SERGEF: variants seen among roughly 807,000 people sequenced by gnomAD.
The protein encoded by SERGEF is secretion-regulating guanine nucleotide exchange factor.
A neutral mutation model predicts 50.0 loss-of-function variants in SERGEF; 51 were observed. That is an observed-to-expected ratio of 1.02 (90% CI 0.81 to 1.29). SERGEF has a LOEUF of 1.29. Ranked by LOEUF, SERGEF falls within the 50% of genes most tolerant of loss-of-function variation. SERGEF has a pLI of 0.00. For missense variants in SERGEF, 521 were observed against 557.0 expected (o/e 0.94, Z 0.65); for synonymous variants, 205 against 212.4 (o/e 0.97, Z 0.30).
At chr11:18,010,992 C>T (rs541459894) in intron 1 of SERGEF, among the ~76,000 whole-genome samples, 4 of 152,226 alleles carry the variant, frequency 2.6e-5, no homozygotes, top group South Asian at 2.1e-4. Flanking sequence ...GTTCAAATTA[C>T]GGTACCAATT....
intron 5 of SERGEF, among the ~76,000 whole-genome samples, chr11:17,999,157 G>T (rs1450341588): frequency 2.6e-5 from 4 of 152,184 alleles, no homozygotes; most frequent in Non-Finnish European, 5.9e-5. Context: ...TCATAGAGAT[G>T]GAGAACAGAA....
intron 9 of SERGEF, among the ~76,000 whole-genome samples, chr11:17,936,155 C>T (rs866231692): frequency 6.6e-6 from 1 of 152,156 alleles, no homozygotes; most frequent in Non-Finnish European, 1.5e-5. Flanking sequence ...AAATGTTAAA[C>T]AGCACCTTAG....
intron 10 of SERGEF, among the ~76,000 whole-genome samples, chr11:17,800,382 G>C (rs996281362): frequency 2.0e-5 from 3 of 152,168 alleles, no homozygotes; most frequent in African/African-American, 7.2e-5. Context: ...ATAATGACAT[G>C]GATCCACCTA....
chr11:17,854,310 GT>G (rs1416532261), intron 10 of SERGEF, among the ~76,000 whole-genome samples: 2 of 152,232 alleles, frequency 1.3e-5, no homozygotes, highest in East Asian at 3.9e-4. Flanking sequence ...AAGTAGTCCT[GT>G]TTGGGTAAGA....
intron 9 of SERGEF, among the ~76,000 whole-genome samples, chr11:17,894,135 C>T (rs1025482216): frequency 7.9e-5 from 12 of 152,110 alleles, no homozygotes; most frequent in Non-Finnish European, 1.8e-4. Flanking sequence ...TAGCCTCTTT[C>T]CCCAGTAAAA....
chr11:18,012,908 C>T (rs1276217879), intron 1 of SERGEF, 43 bp downstream of exon 1: 2 of 1,536,054 alleles, frequency 1.3e-6, no homozygotes, highest in African/African-American at 2.8e-5. Flanking sequence ...CACATCTCGG[C>T]GCCCCTCAGG....
At chr11:17,961,769 G>A (rs1052931644) in intron 8 of SERGEF, among the ~76,000 whole-genome samples, 2 of 152,158 alleles carry the variant, frequency 1.3e-5, no homozygotes, top group African/African-American at 2.4e-5. Flanking sequence ...CTGACTTAAC[G>A]TTCAGTCTTT....
chr11:17,914,307 C>G (rs192356623), intron 9 of SERGEF, among the ~76,000 whole-genome samples: 1 of 152,354 alleles, frequency 6.6e-6, no homozygotes, highest in Admixed American at 6.5e-5. Context: ...TTATCAGTAC[C>G]TGAGGAGCTC....
At chr11:17,849,843 A>C (rs1221069985) in intron 10 of SERGEF, among the ~76,000 whole-genome samples, 1 of 152,212 alleles carries the variant, frequency 6.6e-6, no homozygotes, top group Non-Finnish European at 1.5e-5. Flanking sequence ...AGTATGTCTT[A>C]CTCAAAAATC....
chr11:17,798,123 G>T (rs1052962443), intron 10 of SERGEF, among the ~76,000 whole-genome samples: 4 of 152,212 alleles, frequency 2.6e-5, no homozygotes, highest in African/African-American at 9.6e-5. Context: ...CTTGGCTCAA[G>T]TGATAAATAA....
intron 1 of SERGEF, chr11:18,012,747 C>T (rs1854223636): frequency 2.1e-6 from 3 of 1,410,186 alleles, no homozygotes; most frequent in Non-Finnish European, 2.8e-6. Flanking sequence ...CCGGCAGGCC[C>T]CTAAGTCGAC....
chr11:17,877,899 CT>C, intron 10 of SERGEF: 1 of 250,504 alleles, frequency 4.0e-6, no homozygotes. Flanking sequence ...ATCATTCTTC[CT>C]TTTTATGTCT....
At chr11:18,009,549 G>C (rs1032989761) in intron 1 of SERGEF, among the ~76,000 whole-genome samples, 27 of 152,114 alleles carry the variant, frequency 1.8e-4, no homozygotes, top group Non-Finnish European at 3.2e-4. Flanking sequence ...AATCAAAGCT[G>C]GCTAAGGATT....
At chr11:17,797,072 C>G (rs1464283913) in intron 10 of SERGEF, among the ~76,000 whole-genome samples, 1 of 152,212 alleles carries the variant, frequency 6.6e-6, no homozygotes, top group Non-Finnish European at 1.5e-5. Flanking sequence ...GTGCAAAATA[C>G]AGCCAGGATC....
chr11:17,932,740 T>C (rs1281294341), intron 9 of SERGEF, among the ~76,000 whole-genome samples: 1 of 152,118 alleles, frequency 6.6e-6, no homozygotes, highest in Non-Finnish European at 1.5e-5. Context: ...TTGTTTGTCA[T>C]TGCATTGGGG....
intron 9 of SERGEF, among the ~76,000 whole-genome samples, chr11:17,950,327 C>T (rs1852751431): frequency 6.6e-6 from 1 of 152,168 alleles, no homozygotes; most frequent in African/African-American, 2.4e-5. Context: ...GTGTGTTTCT[C>T]CTACCCATTG....
At chr11:17,809,257 G>A (rs1234031325) in intron 10 of SERGEF, among the ~76,000 whole-genome samples, 1 of 152,198 alleles carries the variant, frequency 6.6e-6, no homozygotes, top group Non-Finnish European at 1.5e-5. Context: ...AGTTCCACTT[G>A]GTGGAAGAAG....
Position 18,008,042 on chromosome 11 carries a change from TGGCCGA to T in SERGEF, c.89_94del (p.Leu30_Gly31del). On this transcript the variant is annotated inframe_deletion, in exon 2 of 11. Transcript: ENST00000265965. ...CTGGGGCAACAGCACATCTTCCTTA[TGGCCGA>T]GGCCAAGTTGCCCATAGCTATTTGC... The T allele has an allele frequency of 6.2e-7, 1 of 1,614,160 alleles. No individual in the cohort carries two copies. Among genetic ancestry groups the T allele is most frequent in the Non-Finnish European group, 8.5e-7 (1 of 1,180,012 alleles).
intron 10 of SERGEF, among the ~76,000 whole-genome samples, chr11:17,807,888 A>T (rs953483776): frequency 6.6e-6 from 1 of 152,166 alleles, no homozygotes; most frequent in African/African-American, 2.4e-5. Context: ...CTGCCCACTT[A>T]AGGGAAATGA....
Sources: allele counts gnomAD v4.1 joint callset (sites outside exome capture counted in the v4.1 genomes callset), GRCh38; gene constraint gnomAD v4.1.1; transcripts MANE v1.5; gene names NCBI Gene and HGNC (gene_info 2026-07-23, HGNC 2026-07-21).